The following RSPRY1 variants were observed in gnomAD, a reference collection of about 807,000 sequenced individuals.
RSPRY1 encodes the protein ring finger and SPRY domain containing 1, also known as RING finger and SPRY domain-containing protein 1.
In RSPRY1, 23 loss-of-function variants were observed where a neutral mutation model predicts 73.1. That is an observed-to-expected ratio of 0.31 (90% confidence interval 0.23 to 0.45). The LOEUF (loss-of-function observed/expected upper bound fraction) is 0.45, where lower values mean the gene tolerates loss of function less well. RSPRY1 is among the 20% of genes least tolerant of loss of function. The pLI, the probability that RSPRY1 is intolerant of heterozygous loss-of-function variation, is 1.00. For synonymous variants in RSPRY1, 226 were observed against 251.4 expected (o/e 0.90, Z 0.95); for missense variants, 448 against 698.7 (o/e 0.64, Z 4.05).
chr16:57,204,959 G>T lies in RSPRY1; in HGVS notation c.301G>T (p.Asp101Tyr). ...HEPRRKKQNV[D>Y]GLVLDTLAVI... The stretch of plus-strand genomic sequence containing the variant: ...GCCAAGGAGAAAGAAACAAAATGTG[G>T]ATGGGCTAGTGTTGGACACACTGGC... Residue 101 changes from aspartate to tyrosine, a missense_variant, in exon 2 of 15, where the codon GAT (aspartate) becomes TAT (tyrosine). Coordinates refer to ENST00000394420, the MANE Select transcript of RSPRY1 (RefSeq NM_133368.3). 1 of 1,614,210 alleles carries T rather than the reference G, an allele frequency of 6.2e-7. No homozygotes were observed. Among genetic ancestry groups the T allele is most frequent in the Non-Finnish European group, 8.5e-7 (1 of 1,180,046 alleles).
intron 1 of RSPRY1, among the ~76,000 whole-genome samples, chr16:57,195,217 G>A (rs186719674): frequency 2.6e-3 from 394 of 152,308 alleles, no homozygotes; most frequent in Middle Eastern, 0.014. Context: ...TTGTTATCGA[G>A]AGTATAATAT....
intron 1 of RSPRY1, among the ~76,000 whole-genome samples, chr16:57,196,400 C>T (rs1204593407): frequency 3.3e-5 from 5 of 152,162 alleles, no homozygotes; most frequent in Non-Finnish European, 7.4e-5. Flanking sequence ...CTAGTTCAGT[C>T]GGTGTGTCCT....
rs187565351 is a variant in RSPRY1, at chr16:57,194,251, C to G, written c.-156+7800C>G. Among the ~76,000 whole-genome samples the G allele has an allele frequency of 7.3e-5, 11 of 150,738 alleles. No homozygotes were observed. The East Asian group carries it at 2.1e-3, about 29-fold the overall frequency. On this transcript the variant is annotated intron_variant, in intron 1 of 14. Transcript: ENST00000394420. ...TTAATGATGGATAAGAGATGGATAG[C>G]GATAAAGCAAGTTTAGTAAAATGTT...
intron 12 of RSPRY1, 60 bp downstream of exon 12, chr16:57,230,873 G>GA (rs1175128803): frequency 4.0e-4 from 383 of 952,674 alleles, no homozygotes; most frequent in Non-Finnish European, 5.1e-4. Context: ...TTTTCTCTAG[G>GA]AAAAAAAAAG....
At position 57,228,819 on chromosome 16, in the gene RSPRY1, A is replaced by G. The variant is rs1484356120; in HGVS notation, c.1273+1366A>G. 4.6e-5 allele frequency among the ~76,000 whole-genome samples: 7 copies of G among 152,108 alleles called. No homozygotes were observed. In the South Asian group the frequency reaches 1.2e-3, roughly 27 times the overall value. On this transcript the variant is annotated intron_variant, in intron 11 of 14. Transcript: ENST00000394420. ...TCCATCCTCCCACCTCAGCCTCTCC[A>G]GTAGCTGGGACTACAGGGACACACC...
chr16:57,216,730 G>T (rs773203322), intron 7 of RSPRY1, among the ~76,000 whole-genome samples, 174 bp from the exon 8 acceptor site: 5 of 152,058 alleles, frequency 3.3e-5, no homozygotes, highest in Non-Finnish European at 7.4e-5. Flanking sequence ...TAAAAAAAAG[G>T]AAAACAAAAT....
intron 10 of RSPRY1, 138 bp downstream of exon 10, chr16:57,221,553 T>C (rs2075036406): frequency 1.2e-6 from 1 of 837,458 alleles, no homozygotes. Context: ...TGGTACCAGG[T>C]CCCTAACAAT....
intron 13 of RSPRY1, among the ~76,000 whole-genome samples, chr16:57,234,100 G>A (rs1457021282): frequency 6.6e-6 from 1 of 151,990 alleles, no homozygotes; most frequent in Non-Finnish European, 1.5e-5. Flanking sequence ...TTACTTTTCT[G>A]ACCTATTTCC....
intron 9 of RSPRY1, 136 bp downstream of exon 9, chr16:57,220,983 A>T: frequency 5.8e-6 from 4 of 690,792 alleles, no homozygotes; most frequent in South Asian, 1.8e-5. Flanking sequence ...TTCAGGGGGA[A>T]GTCTCAAAGA....
chr16:57,230,911 G>A (rs1351601689), intron 12 of RSPRY1, 98 bp downstream of exon 12: 2 of 759,938 alleles, frequency 2.6e-6, no homozygotes, highest in East Asian at 2.6e-5. Flanking sequence ...ATGCAATTGT[G>A]ATGAGAAATT....
intron 1 of RSPRY1, among the ~76,000 whole-genome samples, chr16:57,195,008 G>A (rs889874105): frequency 6.6e-6 from 1 of 151,720 alleles, no homozygotes; most frequent in Non-Finnish European, 1.5e-5. Flanking sequence ...AAAATATAAA[G>A]CGTTAGGTGC....
chr16:57,199,895 G>GTTTTTTTTTTCTTTTTTTTTTTTTTTTTT (rs2074530206), intron 1 of RSPRY1, among the ~76,000 whole-genome samples: 40 of 106,230 alleles, frequency 3.8e-4, no homozygotes, highest in South Asian at 9.0e-4. Flanking sequence ...TTTTTTGTTT[G>GTTTTTTTTTTCTTTTTTTTTTTTTTTTTT]TTTTTTTTTT....
intron 12 of RSPRY1, 68 bp from the exon 13 acceptor site, chr16:57,231,099 G>C (rs1378380493): frequency 6.8e-7 from 1 of 1,470,190 alleles, no homozygotes; most frequent in Non-Finnish European, 9.3e-7. Context: ...TCTGAAAACT[G>C]TTCTATCTAT....
In RSPRY1 at chr16:57,231,138, A is replaced by G. The variant is rs370996229; in HGVS notation, c.1377-29A>G. On this transcript the variant is annotated intron_variant, in intron 12 of 14. Transcript: ENST00000394420. The stretch of plus-strand genomic sequence containing the variant: ...CTCTATTTTGATTTTTATTAATTCT[A>G]TTGGCCTCTGTACTCATTTTATTTG... 297 of 1,595,500 alleles carry G rather than the reference A, an allele frequency of 1.9e-4. No homozygotes were observed. The African/African-American group carries it at 2.0e-3, about 11-fold the overall frequency.
At chr16:57,208,239 G>GA (rs2074763528) in intron 3 of RSPRY1, 129 bp downstream of exon 3, 1 of 363,726 alleles carries the variant, frequency 2.7e-6, no homozygotes, top group African/African-American at 2.3e-5. Context: ...ACATAACAAT[G>GA]AAAAAAGCCC....
At chr16:57,215,977 T>C in intron 6 of RSPRY1, 130 bp from the exon 7 acceptor site, 1 of 663,844 alleles carries the variant, frequency 1.5e-6, no homozygotes, top group South Asian at 1.9e-5. Flanking sequence ...AGAACTTGAA[T>C]GAATGAAACT....
At position 57,240,415 on chromosome 16, in the gene RSPRY1, T is replaced by C. The variant is rs1048224066; in HGVS notation, c.*1440T>C. The C allele has an allele frequency of 6.6e-6, 1 of 152,000 alleles. No homozygotes were observed. Among genetic ancestry groups the C allele is most frequent in the Admixed American group, 6.5e-5 (1 of 15,276 alleles). 9.4% of individuals were successfully genotyped at this position (152,000 alleles called of 1,614,324 possible). On this transcript the variant is annotated 3_prime_UTR_variant, in exon 15 of 15. Coordinates refer to ENST00000394420, the MANE Select transcript of RSPRY1 (RefSeq NM_133368.3). ...AGGATACATGTTCTCTTCTTTAGCT[T>C]GTGGTGAATACAGTAATTTGCATTG...
intron 10 of RSPRY1, among the ~76,000 whole-genome samples, chr16:57,226,645 G>T (rs2075125481): frequency 1.3e-5 from 2 of 152,198 alleles, no homozygotes; most frequent in Admixed American, 1.3e-4. Flanking sequence ...AATGAACAGT[G>T]AAGATGACCA....
At chr16:57,221,569 A>G (rs904828388) in intron 10 of RSPRY1, among the ~76,000 whole-genome samples, 154 bp downstream of exon 10, 4 of 152,204 alleles carry the variant, frequency 2.6e-5, no homozygotes, top group African/African-American at 9.7e-5. Context: ...ACAATGATCT[A>G]CTAAACTGAT....
Sources: allele counts gnomAD v4.1 joint callset (sites outside exome capture counted in the v4.1 genomes callset), GRCh38; gene constraint gnomAD v4.1.1; transcripts MANE v1.5; gene names NCBI Gene and HGNC (gene_info 2026-07-23, HGNC 2026-07-21).